The following PDE4A variants were observed in gnomAD, a reference collection of about 807,000 sequenced individuals.
PDE4A encodes phosphodiesterase 4A, also known as 3',5'-cyclic-AMP phosphodiesterase 4A.
PDE4A carries 21 observed loss-of-function variants against 73.9 expected under a neutral mutation model. The ratio of observed to expected loss-of-function variants is 0.28; its 90% confidence interval spans 0.20 to 0.41. PDE4A has a LOEUF of 0.41. PDE4A is among the 10% of genes least tolerant of loss of function. The probability of loss-of-function intolerance (pLI) is 1.00; values close to 1 mark genes in which losing one functional copy is unlikely to be tolerated. For synonymous variants in PDE4A, 463 were observed against 505.4 expected (o/e 0.92, Z 1.13); for missense variants, 958 against 1,211.4 (o/e 0.79, Z 3.10).
rs200631962 is a variant in PDE4A at position 10,453,215 on chromosome 19, C to G, written c.784-1614C>G. 1 of 1,575,232 alleles carries G rather than the reference C, an allele frequency of 6.3e-7. No homozygotes were observed. The highest frequency in any genetic ancestry group is 8.6e-7 in the Non-Finnish European group (1 of 1,160,818). ...AGTGGTTGTTAACCCCGGGACTCCC[C>G]AAGCCCAGCCTCTGTGTGCAGCAGC... On this transcript the variant is annotated intron_variant, in intron 6 of 14. Coordinates refer to ENST00000380702, the MANE Select transcript of PDE4A (RefSeq NM_001111307.2). The surrounding 1 kb of genome is among the most constrained non-coding windows in gnomAD (Gnocchi z 4.6).
upstream of PDE4A, chr19:10,418,838 T>G (rs1007762204): frequency 3.0e-6 from 3 of 984,516 alleles, no homozygotes; most frequent in Admixed American, 1.8e-4. Context: ...CTCTCAAATA[T>G]GATCTGGGGA....
intron 1 of PDE4A, among the ~76,000 whole-genome samples, chr19:10,433,640 C>T (rs2145479980): frequency 6.6e-6 from 1 of 152,318 alleles, no homozygotes; most frequent in East Asian, 1.9e-4. Flanking sequence ...TGTGTGATGC[C>T]CGGGGGCACA....
Position 10,453,090 on chromosome 19 carries a change from G to A in PDE4A, c.784-1739G>A. ...GGGCCATGTAACCAGGGCTGCTGCT[G>A]GGAGCGCGGAGGGGAAGGGAGCCCC... On this transcript the variant is annotated intron_variant, in intron 6 of 14. Transcript: ENST00000380702. The surrounding 1 kb of genome is among the most constrained non-coding windows in gnomAD (Gnocchi z 4.6). 7.4e-7 allele frequency: 1 copy of A among 1,344,914 alleles called. No homozygotes were observed. The highest frequency in any genetic ancestry group is 9.5e-7 in the Non-Finnish European group (1 of 1,050,342). The allele number at this position is 1,344,914 out of a possible 1,614,324, so 83.3% of individuals were successfully genotyped here.
At chr19:10,440,161 T>C (rs2048457798) in intron 1 of PDE4A, among the ~76,000 whole-genome samples, 1 of 151,786 alleles carries the variant, frequency 6.6e-6, no homozygotes, top group South Asian at 2.1e-4. Flanking sequence ...ATTTTTGTAT[T>C]TCTAGTAGAG....
chr19:10,431,383 T>A (rs1351810901), intron 1 of PDE4A, among the ~76,000 whole-genome samples: 2 of 152,216 alleles, frequency 1.3e-5, no homozygotes, highest in African/African-American at 2.4e-5. Flanking sequence ...CTGGGGTATG[T>A]GTTCAGTTCT....
intron 6 of PDE4A, among the ~76,000 whole-genome samples, chr19:10,454,337 A>C (rs1322046039): frequency 2.0e-5 from 3 of 152,130 alleles, no homozygotes. Flanking sequence ...GACCCCCAGG[A>C]TTGGGGTCCA....
chr19:10,419,064 T>TG, upstream of PDE4A: 1 of 964,630 alleles, frequency 1.0e-6, no homozygotes, highest in Non-Finnish European at 1.2e-6. Context: ...GTCTTTTTTT[T>TG]TTTTTTTTTT....
At position 10,420,586 on chromosome 19, in the gene PDE4A, C is replaced by T; in HGVS notation, c.-179C>T. Reference sequence around the variant, plus strand: ...AGCTCCAGGCGCCGAAAGGAAGCTGCAGAGCCCGGCCCGGGGGCGATTGGC... The same window carrying T: ...AGCTCCAGGCGCCGAAAGGAAGCTGTAGAGCCCGGCCCGGGGGCGATTGGC... On this transcript the variant is annotated 5_prime_UTR_variant, in exon 1 of 15. Coordinates refer to ENST00000380702, the MANE Select transcript of PDE4A (RefSeq NM_001111307.2). This position sits in a 1 kb window ranked among gnomAD's most constrained non-coding sequence, Gnocchi z 6.0. 6 of 1,272,274 alleles carry T rather than the reference C, an allele frequency of 4.7e-6. No homozygotes were observed. Among genetic ancestry groups the T allele is most frequent in the African/African-American group, 1.6e-5 (1 of 64,028 alleles). 78.8% of individuals were successfully genotyped at this position (1,272,274 alleles called of 1,614,324 possible).
intron 13 of PDE4A, among the ~76,000 whole-genome samples, chr19:10,462,996 C>A (rs555579939): frequency 1.6e-3 from 240 of 152,302 alleles, no homozygotes; most frequent in Middle Eastern, 3.4e-3. Context: ...GAGTTTGAGA[C>A]CAGCCAGAGC....
At chr19:10,439,175 T>TTTTG (rs1379981492) in intron 1 of PDE4A, among the ~76,000 whole-genome samples, 1 of 151,984 alleles carries the variant, frequency 6.6e-6, no homozygotes, top group Non-Finnish European at 1.5e-5. Flanking sequence ...TTTGAGGGTT[T>TTTTG]TTTGTTTGTT....
intron 6 of PDE4A, among the ~76,000 whole-genome samples, chr19:10,454,159 T>A (rs1282182282): frequency 6.6e-6 from 1 of 152,110 alleles, no homozygotes; most frequent in South Asian, 2.1e-4. Context: ...CCTTCTGGGG[T>A]TGGGGGAGAG....
intron 6 of PDE4A, 81 bp from the exon 7 acceptor site, chr19:10,454,748 G>C (rs2043145589): frequency 1.9e-6 from 3 of 1,602,260 alleles, no homozygotes. Context: ...GGGGTCTTCA[G>C]GCGTTCTTGG....
intron 1 of PDE4A, chr19:10,423,027 A>G: frequency 1.2e-6 from 1 of 819,002 alleles, no homozygotes; most frequent in Non-Finnish European, 1.5e-6. Flanking sequence ...CCATCTCGCA[A>G]TGGCTCACCC....
chr19:10,431,225 C>A, intron 1 of PDE4A: 2 of 597,236 alleles, frequency 3.3e-6, no homozygotes, highest in Non-Finnish European at 5.3e-6. Flanking sequence ...TCATCCCTGA[C>A]CGCCAGGGTT....
chr19:10,430,985 C>T, intron 1 of PDE4A: 1 of 1,566,680 alleles, frequency 6.4e-7, no homozygotes, highest in Non-Finnish European at 8.6e-7. Flanking sequence ...CGCCGCCCTC[C>T]TCGCCCGTCT....
At chr19:10,427,501 G>A (rs1387185005) in intron 1 of PDE4A, 2 of 985,280 alleles carry the variant, frequency 2.0e-6, no homozygotes, top group Non-Finnish European at 2.4e-6. Context: ...AGGGCTCATA[G>A]ACCATTAGGC....
chr19:10,420,937 A>G lies in PDE4A; in HGVS notation c.173A>G (p.Glu58Gly). ...YSDSAERAER[E>G]RQPHRPIERA... Reference sequence around the variant, plus strand: ...GACAGCGCGGAGCGCGCCGAGCGGGAGCGGCAGCCGCACCGGCCCATAGAG... The same window carrying G: ...GACAGCGCGGAGCGCGCCGAGCGGGGGCGGCAGCCGCACCGGCCCATAGAG... Residue 58 changes from glutamate (E) to glycine (G), a missense_variant, in exon 1 of 15, where the codon GAG becomes GGG. Physicochemically the swap from Glu to Gly is moderately conservative, Grantham distance 98. This residue lies in a region of PDE4A where 145 missense variants were observed against 137.8 expected (regional missense o/e 1.05). Coordinates refer to ENST00000380702, the MANE Select transcript of PDE4A (RefSeq NM_001111307.2). The surrounding 1 kb of genome is among the most constrained non-coding windows in gnomAD (Gnocchi z 6.0). 6.4e-7 allele frequency: 1 copy of G among 1,570,148 alleles called. No homozygotes were observed. The highest frequency in any genetic ancestry group is 1.1e-5 in the South Asian group (1 of 87,202).
intron 1 of PDE4A, among the ~76,000 whole-genome samples, chr19:10,425,146 C>A (rs2042700973): frequency 6.6e-6 from 1 of 151,974 alleles, no homozygotes; most frequent in Non-Finnish European, 1.5e-5. Flanking sequence ...ATCGCTTGAA[C>A]CCGGGAGGCA....
At chr19:10,437,996 A>G (rs2042887798) in intron 1 of PDE4A, among the ~76,000 whole-genome samples, 1 of 151,000 alleles carries the variant, frequency 6.6e-6, no homozygotes, top group South Asian at 2.1e-4. Context: ...TTTTGTAGAG[A>G]TAGGGCCTTG....
Sources: allele counts gnomAD v4.1 joint callset (sites outside exome capture counted in the v4.1 genomes callset), GRCh38; gene constraint gnomAD v4.1.1; regional missense constraint gnomAD v4.1.1; non-coding constraint Gnocchi (gnomAD v3.1); transcripts MANE v1.5; gene names NCBI Gene and HGNC (gene_info 2026-07-23, HGNC 2026-07-21).